Variants in NFASC observed in about 807,000 individuals in gnomAD.
NFASC encodes the protein neurofascin homolog.
A neutral mutation model predicts 147.5 loss-of-function variants in NFASC; 43 were observed. That is an observed-to-expected ratio of 0.29 (90% confidence interval 0.23 to 0.38). The LOEUF (loss-of-function observed/expected upper bound fraction) is 0.38, where lower values mean the gene tolerates loss of function less well. NFASC is among the 10% of genes least tolerant of loss of function. NFASC has a pLI of 1.00. For synonymous variants in NFASC, 622 were observed against 665.5 expected (o/e 0.93, Z 1.01); for missense variants, 1,320 against 1,689.0 (o/e 0.78, Z 3.83).
chr1:204,958,734 G>C (rs1049211575), intron 8 of NFASC, among the ~76,000 whole-genome samples: 1 of 152,196 alleles, frequency 6.6e-6, no homozygotes, highest in Non-Finnish European at 1.5e-5. Flanking sequence ...AGGATTGTTG[G>C]GGAGGCCAGT....
chr1:204,970,344 T>A (rs894621466), intron 10 of NFASC, among the ~76,000 whole-genome samples: 3 of 152,048 alleles, frequency 2.0e-5, no homozygotes, highest in Non-Finnish European at 2.9e-5. Flanking sequence ...TCCCTTTTTT[T>A]AAAAAAAGCT....
Position 204,952,191 on chromosome 1 carries a change from G to C in NFASC, c.215+75G>C, listed in dbSNP as rs1040863011. The C allele has an allele frequency of 4.3e-6, 5 of 1,166,584 alleles. No homozygotes were observed. The African/African-American group carries it at 4.5e-5, about 11-fold the overall frequency. 72.3% of individuals were successfully genotyped at this position (1,166,584 alleles called of 1,614,324 possible). On this transcript the variant is annotated intron_variant, in intron 5 of 29. Transcript: ENST00000339876. ...GCCTGATGATAACTAAGGCAAATGA[G>C]GCAGCAGGAAAATTGGACTCATCCA...
intron 21 of NFASC, among the ~76,000 whole-genome samples, chr1:204,984,906 G>A (rs1001141988): frequency 2.6e-5 from 4 of 152,180 alleles, no homozygotes; most frequent in South Asian, 2.1e-4. Context: ...ATTAATGCAC[G>A]TTCTGTGGCC....
Position 204,828,740 on chromosome 1 carries a change from A to G in NFASC, c.-242A>G. On this transcript the variant is annotated 5_prime_UTR_variant, in exon 1 of 30. Transcript: ENST00000339876. Reference sequence around the variant, plus strand: ...GGGGAAGTGGCGGCGCCGGCAGCGGACAGCTCGGACAGCGCCCAGGGCCGG... The same window carrying G: ...GGGGAAGTGGCGGCGCCGGCAGCGGGCAGCTCGGACAGCGCCCAGGGCCGG... 1 of 985,904 alleles carries G rather than the reference A, an allele frequency of 1.0e-6. No individual in the cohort carries two copies. The highest frequency in any genetic ancestry group is 1.2e-6 in the Non-Finnish European group (1 of 830,428). 61.1% of individuals were successfully genotyped at this position (985,904 alleles called of 1,614,324 possible). A position where few individuals can be genotyped will look rare whatever the true frequency, so the allele number is the denominator to read the frequency against.
chr1:204,836,249 A>C (rs1372907564), intron 1 of NFASC, among the ~76,000 whole-genome samples: 1 of 152,110 alleles, frequency 6.6e-6, no homozygotes, highest in Non-Finnish European at 1.5e-5. Context: ...TGCAGGGTAA[A>C]AGTCATTAAA....
chr1:204,953,309 C>T (rs1380978096), intron 5 of NFASC, among the ~76,000 whole-genome samples: 1 of 151,524 alleles, frequency 6.6e-6, no homozygotes, highest in Non-Finnish European at 1.5e-5. Context: ...TTTGTTTTTT[C>T]TAATTGAGAC....
Position 205,022,230 on chromosome 1 carries a change from CTCAG to C in NFASC, c.*5697_*5700del, listed in dbSNP as rs2096404811. 4 of 152,652 alleles carry C rather than the reference CTCAG, an allele frequency of 2.6e-5. No homozygotes were observed. Among genetic ancestry groups the C allele is most frequent in the Non-Finnish European group, 5.9e-5 (4 of 68,060 alleles). 9.5% of individuals were successfully genotyped at this position (152,652 alleles called of 1,614,324 possible). On this transcript the variant is annotated 3_prime_UTR_variant, in exon 30 of 30. Coordinates refer to ENST00000339876, the MANE Select transcript of NFASC (RefSeq NM_001005388.3). ...TTTTCTGATTCCCAACTGCAATGTC[CTCAG>C]TCAGTGTTGTCCCTCTGCCCGGCTC...
intron 1 of NFASC, among the ~76,000 whole-genome samples, chr1:204,909,208 A>G (rs1423983451): frequency 6.6e-6 from 1 of 152,242 alleles, no homozygotes; most frequent in Non-Finnish European, 1.5e-5. Flanking sequence ...CCAGCAACAT[A>G]TGAGTGATCT....
intron 17 of NFASC, among the ~76,000 whole-genome samples, chr1:204,978,584 C>G (rs2095451941): frequency 6.6e-6 from 1 of 152,216 alleles, no homozygotes; most frequent in East Asian, 1.9e-4. Context: ...GACAGAATCC[C>G]ACACTCCCTC....
At position 204,979,474 on chromosome 1, in the gene NFASC, C is replaced by T; in HGVS notation, c.2091C>T (p.Asn697=). The T allele has an allele frequency of 6.2e-7, 1 of 1,614,012 alleles. No individual in the cohort carries two copies. The highest frequency in any genetic ancestry group is 8.5e-7 in the Non-Finnish European group (1 of 1,180,034). The change falls in exon 19 of 30, where the codon AAC becomes AAT. Residue 697 remains asparagine, a synonymous_variant. Coordinates refer to ENST00000339876, the MANE Select transcript of NFASC (RefSeq NM_001005388.3). The surrounding 1 kb of genome is among the most constrained non-coding windows in gnomAD (Gnocchi z 6.0). The part of the protein sequence containing the change: ...SAVLRLSPYV[N]YQFRVIAINE... ...TCCTCCGGCTGTCCCCGTATGTCAA[C>T]TACCAGTTCCGTGTCATTGCCATCA...
At position 204,946,901 on chromosome 1, in the gene NFASC, G is replaced by A. The variant is rs554838138; in HGVS notation, c.91+2495G>A. The stretch of plus-strand genomic sequence containing the variant: ...TCATGGTGTGTGATGGGATCCCACC[G>A]CCCCTGACACAAACAAGCAGATGGT... On this transcript the variant is annotated intron_variant, in intron 3 of 29. Transcript: ENST00000339876. The A allele has an allele frequency of 4.8e-4, 202 of 420,642 alleles. 1 individual carries two copies. The highest frequency in any genetic ancestry group is 3.8e-3 in the African/African-American group (186 of 49,032). The allele number at this position is 420,642 out of a possible 1,614,324, so 26.1% of individuals were successfully genotyped here.
intron 2 of NFASC, among the ~76,000 whole-genome samples, 166 bp downstream of exon 2, chr1:204,920,906 T>C (rs964406724): frequency 6.6e-6 from 1 of 152,156 alleles, no homozygotes; most frequent in African/African-American, 2.4e-5. Flanking sequence ...AGCCCTGAGT[T>C]GCCACAGAAC....
chr1:204,988,833 GT>G (rs1316576401), intron 23 of NFASC, 27 bp downstream of exon 23: 2 of 1,608,212 alleles, frequency 1.2e-6, no homozygotes, highest in Non-Finnish European at 1.7e-6. Flanking sequence ...AGCCCCTGGG[GT>G]AAAAGGTCCC....
chr1:204,842,839 G>T lies in NFASC; in HGVS notation c.-200+14057G>T, dbSNP rs971447181. Among the ~76,000 whole-genome samples, 3 of 152,350 alleles carry T rather than the reference G, an allele frequency of 2.0e-5. No homozygotes were observed. In the East Asian group the frequency reaches 5.8e-4, roughly 29 times the overall value. On this transcript the variant is annotated intron_variant, in intron 1 of 29. Transcript: ENST00000339876. The stretch of plus-strand genomic sequence containing the variant: ...CCTGCCTCCTTTCCTCCTCCATCTG[G>T]CTGCCCTCAGCAGTGGGGCCATCAG...
At chr1:204,894,950 T>C (rs921994641) in intron 1 of NFASC, among the ~76,000 whole-genome samples, 1 of 152,188 alleles carries the variant, frequency 6.6e-6, no homozygotes, top group African/African-American at 2.4e-5. Context: ...TTACTAACAG[T>C]GTTGCCTCCA....
chr1:204,926,321 A>C (rs1244700417), intron 2 of NFASC, among the ~76,000 whole-genome samples: 2 of 146,820 alleles, frequency 1.4e-5, no homozygotes, highest in Non-Finnish European at 3.0e-5. Flanking sequence ...TCCTTTTCAA[A>C]GTATCACAGT....
At position 204,870,653 on chromosome 1, in the gene NFASC, T is replaced by C. The variant is rs2077535871; in HGVS notation, c.-200+41871T>C. ...GGCCACACAACTCTTCCATTATGCA[T>C]GAGGGAGACCCAGCGGTGAGCGAGT... is the stretch of plus-strand genomic sequence containing the variant. On this transcript the variant is annotated intron_variant, in intron 1 of 29. Transcript: ENST00000339876. The C allele has an allele frequency of 1.6e-5, 17 of 1,057,528 alleles. No individual in the cohort carries two copies. The South Asian group carries it at 5.1e-4, about 31-fold the overall frequency. The allele number at this position is 1,057,528 out of a possible 1,614,324, so 65.5% of individuals were successfully genotyped here.
intron 8 of NFASC, among the ~76,000 whole-genome samples, chr1:204,965,862 C>T (rs908288023): frequency 2.0e-5 from 3 of 152,182 alleles, no homozygotes; most frequent in Admixed American, 2.0e-4. Context: ...CTAAATGGCA[C>T]AGAATCCAAA....
intron 1 of NFASC, among the ~76,000 whole-genome samples, chr1:204,848,028 C>G (rs898886772): frequency 3.9e-5 from 6 of 152,276 alleles, no homozygotes; most frequent in Admixed American, 1.3e-4. Context: ...CTTCCCATTA[C>G]CCCTTTGTAC....
Sources: allele counts gnomAD v4.1 joint callset (sites outside exome capture counted in the v4.1 genomes callset), GRCh38; gene constraint gnomAD v4.1.1; non-coding constraint Gnocchi (gnomAD v3.1); transcripts MANE v1.5; gene names NCBI Gene and HGNC (gene_info 2026-07-23, HGNC 2026-07-21).